The following PLXNA4 variants were observed in gnomAD, a reference collection of about 807,000 sequenced individuals.
PLXNA4 encodes plexin A4.
Under a neutral mutation model 191.8 loss-of-function variants are expected in PLXNA4, and 44 were observed. The observed-to-expected ratio is 0.23, with a 90% CI of 0.18 to 0.29. The LOEUF is 0.29. Ranked by LOEUF, PLXNA4 falls within the 10% of genes least tolerant of loss-of-function variation. The pLI is 1.00. For missense variants in PLXNA4, 1,800 were observed against 2,488.8 expected, an observed-to-expected ratio of 0.72 and a Z score of 5.89; for synonymous variants, 1,082 against 1,009.5, an observed-to-expected ratio of 1.07 and a Z score of -1.36.
chr7:132,297,642 T>A (rs971571176), intron 4 of PLXNA4, among the ~76,000 whole-genome samples: 19 of 152,280 alleles, frequency 1.2e-4, no homozygotes, highest in African/African-American at 4.6e-4. Flanking sequence ...TCACACAGAC[T>A]GTTTTCTGAG....
chr7:132,625,755 G>A (rs1012046226), intron 2 of PLXNA4, among the ~76,000 whole-genome samples: 1 of 152,202 alleles, frequency 6.6e-6, no homozygotes, highest in Non-Finnish European at 1.5e-5. Context: ...CAGACACAAA[G>A]AAGTATGTTG....
chr7:132,157,408 T>G (rs1431896294), intron 25 of PLXNA4, among the ~76,000 whole-genome samples: 1 of 152,212 alleles, frequency 6.6e-6, no homozygotes, highest in Admixed American at 6.5e-5. Context: ...CATAAAAGAC[T>G]TGCCTTGCTG....
Position 132,507,890 on chromosome 7 carries a change from G to T in PLXNA4, c.804C>A (p.Gly268=), listed in dbSNP as rs189555708. 2.2e-5 allele frequency: 35 copies of T among 1,614,158 alleles called. No homozygotes were observed. In the Admixed American group the frequency reaches 3.0e-4, roughly 14 times the overall value. Residue 268 remains glycine (G), a synonymous_variant, in exon 2 of 32, where the codon GGC becomes GGA. Coordinates refer to ENST00000321063, the MANE Select transcript of PLXNA4 (RefSeq NM_020911.2). ...TLQPEMVSPP[G]STTKEQVYTS... ...TATACACCTGCTCCTTGGTGGTGGA[G>T]CCTGGTGGAGACACCATCTCAGGTT...
rs1303393527 is a variant in PLXNA4, at chr7:132,576,208, G to A, written c.-87+214C>T. Reference sequence around the variant, plus strand: ...CACCCGGGAAATCCCTGCTCCGGCCGCTGCACCTCCGCGGGCGTCCAGGTG... The same window carrying A: ...CACCCGGGAAATCCCTGCTCCGGCCACTGCACCTCCGCGGGCGTCCAGGTG... On this transcript the variant is annotated intron_variant, in intron 1 of 31. Transcript: ENST00000321063. This position sits in a 1 kb window ranked among gnomAD's most constrained non-coding sequence, Gnocchi z 5.8. 6.6e-6 allele frequency among the ~76,000 whole-genome samples: 1 copy of A among 152,228 alleles called. No homozygotes were observed. The highest frequency in any genetic ancestry group is 1.5e-5 in the Non-Finnish European group (1 of 68,042).
chr7:132,293,066 G>A (rs746313371), intron 4 of PLXNA4, among the ~76,000 whole-genome samples: 2 of 152,142 alleles, frequency 1.3e-5, no homozygotes, highest in Non-Finnish European at 2.9e-5. Flanking sequence ...TTGCAGAGGT[G>A]GAGATGAGTC....
chr7:132,443,190 C>T (rs1428013692), intron 3 of PLXNA4, among the ~76,000 whole-genome samples: 1 of 152,184 alleles, frequency 6.6e-6, no homozygotes, highest in Non-Finnish European at 1.5e-5. Flanking sequence ...GAGGGATGTT[C>T]CTTTGCTGAT....
chr7:132,646,581 G>A (rs1030749109), intron 1 of PLXNA4, among the ~76,000 whole-genome samples: 1 of 152,048 alleles, frequency 6.6e-6, no homozygotes, highest in Admixed American at 6.5e-5. Context: ...GAGGATGGTG[G>A]CCATGTGCAA....
At chr7:132,413,933 A>G (rs997349399) in intron 3 of PLXNA4, among the ~76,000 whole-genome samples, 3 of 152,174 alleles carry the variant, frequency 2.0e-5, no homozygotes, top group Non-Finnish European at 4.4e-5. Context: ...AAAAAAAGGT[A>G]TGCACTCCGC....
intron 29 of PLXNA4, among the ~76,000 whole-genome samples, chr7:132,144,667 C>T (rs1377117745): frequency 3.9e-5 from 6 of 152,192 alleles, no homozygotes; most frequent in African/African-American, 1.4e-4. Context: ...CCTCCATCTT[C>T]CATAGCATTT....
At chr7:132,152,486 A>G (rs2116600921) in intron 25 of PLXNA4, among the ~76,000 whole-genome samples, 1 of 152,322 alleles carries the variant, frequency 6.6e-6, no homozygotes, top group South Asian at 2.1e-4. Flanking sequence ...ACAGTAATGA[A>G]AATAAATAGA....
chr7:132,278,359 C>G (rs555535059), intron 4 of PLXNA4, among the ~76,000 whole-genome samples: 1 of 152,316 alleles, frequency 6.6e-6, no homozygotes, highest in East Asian at 1.9e-4. Context: ...GGGAGGCAGA[C>G]TCTTCTGGAT....
intron 2 of PLXNA4, among the ~76,000 whole-genome samples, chr7:132,619,073 TG>T (rs1563196426): frequency 6.6e-6 from 1 of 152,322 alleles, no homozygotes; most frequent in East Asian, 1.9e-4. Flanking sequence ...CAGAAGGAAA[TG>T]ACTCAGAACA....
At chr7:132,226,072 G>C (rs1398405968) in intron 8 of PLXNA4, 89 bp downstream of exon 8, 10 of 1,244,516 alleles carry the variant, frequency 8.0e-6, no homozygotes, top group Non-Finnish European at 1.2e-5. Context: ...TCTAAATGGT[G>C]ACTCCCTGGG....
chr7:132,250,832 T>G (rs1799221190), intron 4 of PLXNA4, among the ~76,000 whole-genome samples: 2 of 152,178 alleles, frequency 1.3e-5, no homozygotes, highest in Non-Finnish European at 2.9e-5. Flanking sequence ...CAAGGCTACA[T>G]GGCTACCAAC....
At chr7:132,241,893 G>A (rs563411749) in intron 4 of PLXNA4, among the ~76,000 whole-genome samples, 8 of 152,222 alleles carry the variant, frequency 5.3e-5, no homozygotes, top group Admixed American at 1.3e-4. Context: ...TTCACCAGCC[G>A]CCTGCTAATG....
rs1259507671 is a variant in PLXNA4, at chr7:132,508,794, G to T, written c.-86-15C>A. 7.0e-7 allele frequency: 1 copy of T among 1,435,690 alleles called. No individual in the cohort carries two copies. The highest frequency in any genetic ancestry group is 9.1e-7 in the Non-Finnish European group (1 of 1,099,544). 88.9% of individuals were successfully genotyped at this position (1,435,690 alleles called of 1,614,324 possible). A position where few individuals can be genotyped will look rare whatever the true frequency, so the allele number is the denominator to read the frequency against. On this transcript the variant is annotated splice_polypyrimidine_tract_variant and intron_variant, in intron 1 of 31. Transcript: ENST00000321063. The surrounding 1 kb of genome is among the most constrained non-coding windows in gnomAD (Gnocchi z 4.4). ...AGTCTCCCCTACTGGAGAAAGGGAA[G>T]ACAATGAGCTGGATAACAATGCCAG...
intron 14 of PLXNA4, among the ~76,000 whole-genome samples, chr7:132,193,651 A>C (rs540515033): frequency 6.6e-6 from 1 of 152,234 alleles, no homozygotes; most frequent in African/African-American, 2.4e-5. Context: ...TTATAAATGA[A>C]GAAACTGAGG....
chr7:132,161,357 C>T (rs1795943533), intron 24 of PLXNA4, among the ~76,000 whole-genome samples: 1 of 152,238 alleles, frequency 6.6e-6, no homozygotes, highest in Non-Finnish European at 1.5e-5. Context: ...GCAGTGGCCC[C>T]ACAGAAGGAC....
chr7:132,206,380 G>A (rs534378407), intron 10 of PLXNA4, among the ~76,000 whole-genome samples: 3 of 152,026 alleles, frequency 2.0e-5, no homozygotes, highest in Non-Finnish European at 4.4e-5. Context: ...GAGTGTTTCT[G>A]TGCCAGACCC....
Sources: gnomAD v4.1 joint callset for allele counts (sites outside exome capture counted in the v4.1 genomes callset) on GRCh38, gnomAD v4.1.1 for gene constraint, Gnocchi (gnomAD v3.1) non-coding constraint, MANE v1.5 for transcripts, NCBI Gene and HGNC (gene_info 2026-07-23, HGNC 2026-07-21) for gene names.